Variants in RUNX3 observed in about 807,000 individuals in gnomAD.
RUNX3 encodes the protein runt-related transcription factor 3.
In RUNX3, 10 loss-of-function variants were observed where a neutral mutation model predicts 27.7. The ratio of observed to expected loss-of-function variants is 0.36; its 90% CI spans 0.22 to 0.61. The LOEUF is 0.61. RUNX3 is among the 20% of genes least tolerant of loss of function. The probability of loss-of-function intolerance (pLI) is 0.72; values close to 1 mark genes in which losing one functional copy is unlikely to be tolerated. For synonymous variants in RUNX3, 270 were observed against 269.2 expected, an observed-to-expected ratio of 1.00 and a Z score of -0.03; for missense variants, 469 against 629.5, an observed-to-expected ratio of 0.75 and a Z score of 2.73.
At position 24,904,209 on chromosome 1, in the gene RUNX3, C is replaced by T. The variant is rs1280426079; in HGVS notation, c.704-1543G>A. On this transcript the variant is annotated intron_variant, in intron 4 of 4. Transcript: ENST00000308873. The surrounding 1 kb of genome is among the most constrained non-coding windows in gnomAD (Gnocchi z 5.7). ...CCGGTGCTAGCCGGAGTGGGCTCTG[C>T]CTGCCACGCCGAGGCTTGGCTGAGG... Among the ~76,000 whole-genome samples, 1 of 152,346 alleles carries T rather than the reference C, an allele frequency of 6.6e-6. No homozygotes were observed. The highest frequency in any genetic ancestry group is 1.9e-4 in the East Asian group (1 of 5,176).
chr1:24,926,791 C>T (rs966562603), intron 2 of RUNX3, among the ~76,000 whole-genome samples: 2 of 152,170 alleles, frequency 1.3e-5, no homozygotes, highest in South Asian at 2.1e-4. Context: ...AGCCACTTCT[C>T]GTAGGCAGGC....
intron 3 of RUNX3, among the ~76,000 whole-genome samples, chr1:24,917,043 T>C (rs1245850651): frequency 1.3e-5 from 2 of 152,058 alleles, no homozygotes; most frequent in Non-Finnish European, 2.9e-5. Context: ...CATCCAGGGG[T>C]CCCAGCAGGG....
chr1:24,955,779 T>C (rs769103970), intron 2 of RUNX3, among the ~76,000 whole-genome samples: 2 of 152,184 alleles, frequency 1.3e-5, no homozygotes, highest in African/African-American at 2.4e-5. Flanking sequence ...GGGTGGTTCC[T>C]GAGGCAGTCT....
intron 3 of RUNX3, among the ~76,000 whole-genome samples, chr1:24,907,922 G>GTAAACCTCTACAACACGCGGTGATC (rs1557837030): frequency 3.7e-4 from 37 of 100,818 alleles, no homozygotes; most frequent in African/African-American, 1.2e-3. Context: ...ACACTGTGAT[G>GTAAACCTCTACAACACGCGGTGATC]TAAACCTCTA....
chr1:24,946,656 C>T (rs1474565288), intron 2 of RUNX3, among the ~76,000 whole-genome samples: 26 of 152,126 alleles, frequency 1.7e-4, no homozygotes, highest in Admixed American at 1.6e-3. Flanking sequence ...GAACACCCTG[C>T]GTGGATGTCT....
chr1:24,910,401 G>A (rs1640774509), intron 3 of RUNX3, among the ~76,000 whole-genome samples: 1 of 152,164 alleles, frequency 6.6e-6, no homozygotes, highest in South Asian at 2.1e-4. Context: ...AGGGAGAAGA[G>A]GCAAGATGTA....
chr1:24,927,649 G>A lies in RUNX3; in HGVS notation c.364C>T (p.Arg122Cys), dbSNP rs1424371682. 1 of 1,614,136 alleles carries A rather than the reference G, an allele frequency of 6.2e-7. No individual in the cohort carries two copies. The highest frequency in any genetic ancestry group is 8.5e-7 in the Non-Finnish European group (1 of 1,180,016). ...TTCTTCATGACGGCCGAGGCATTGC[G>A]CAGCTCAGCGGAGTAGTTCTCGTCA... Reference protein sequence around the residue: ...GNDENYSAELRNASAVMKNQV... With the variant: ...GNDENYSAELCNASAVMKNQV... The change falls in exon 2 of 5, where the codon CGC (arginine) becomes TGC (cysteine). Residue 122 changes from arginine to cysteine, a missense_variant. Physicochemically the swap from Arg to Cys is radical, Grantham distance 180. Transcript: ENST00000308873. This position sits in a 1 kb window ranked among gnomAD's most constrained non-coding sequence, Gnocchi z 5.0.
chr1:24,955,372 G>C (rs1338821928), intron 2 of RUNX3, among the ~76,000 whole-genome samples: 1 of 152,286 alleles, frequency 6.6e-6, no homozygotes, highest in South Asian at 2.1e-4. Flanking sequence ...GATGACTCAA[G>C]GTCCTCTTTC....
intron 3 of RUNX3, among the ~76,000 whole-genome samples, chr1:24,909,958 C>G (rs759758853): frequency 2.0e-5 from 3 of 152,184 alleles, no homozygotes; most frequent in Non-Finnish European, 2.9e-5. Context: ...ACACGCCGAA[C>G]AAGGGGTGGG....
upstream of RUNX3, among the ~76,000 whole-genome samples, chr1:24,931,121 T>G (rs1641218733): frequency 6.6e-6 from 1 of 152,376 alleles, no homozygotes. Context: ...TCCTGCATCG[T>G]GAAACGGTAC....
chr1:24,911,871 A>G (rs1400409307), intron 3 of RUNX3, among the ~76,000 whole-genome samples: 1 of 152,152 alleles, frequency 6.6e-6, no homozygotes, highest in Non-Finnish European at 1.5e-5. Context: ...CGCTCCCACC[A>G]CATGCTCCCT....
intron 2 of RUNX3, among the ~76,000 whole-genome samples, chr1:24,940,077 G>A (rs572246733): frequency 3.4e-4 from 52 of 152,318 alleles, no homozygotes; most frequent in African/African-American, 1.2e-3. Context: ...AGGCTTGGGG[G>A]GTAAGAGCTC....
At chr1:24,950,974 G>A (rs1004142444) in intron 2 of RUNX3, among the ~76,000 whole-genome samples, 4 of 152,120 alleles carry the variant, frequency 2.6e-5, no homozygotes, top group South Asian at 4.1e-4. Flanking sequence ...TTGGGAGGCT[G>A]AGGTGGGTGG....
upstream of RUNX3, among the ~76,000 whole-genome samples, chr1:24,933,947 A>C (rs1239963772): frequency 6.6e-6 from 1 of 152,146 alleles, no homozygotes; most frequent in Non-Finnish European, 1.5e-5. Flanking sequence ...GGTGAAACCT[A>C]TCTCCTGCCC....
chr1:24,964,245 C>T (rs911039412), intron 2 of RUNX3, among the ~76,000 whole-genome samples: 1 of 152,252 alleles, frequency 6.6e-6, no homozygotes, highest in African/African-American at 2.4e-5. Context: ...CCTCTGAGGG[C>T]TGCCCTTTGA....
In RUNX3 at chr1:24,899,949, A is replaced by AGGGGATG. The variant is rs1429562576; in HGVS notation, c.*2166_*2172dup. Reference sequence around the variant, plus strand: ...AGTACGGCTGCCGTCACTTTTTGTCAGGGGATGGGGGATGGGGTAGGAAGA... The same window carrying AGGGGATG: ...AGTACGGCTGCCGTCACTTTTTGTCAGGGGATGGGGGATGGGGGATGGGGTAGGAAGA... On this transcript the variant is annotated 3_prime_UTR_variant, in exon 5 of 5. Coordinates refer to ENST00000308873, the MANE Select transcript of RUNX3 (RefSeq NM_004350.3). The AGGGGATG allele has an allele frequency of 6.6e-6, 1 of 152,354 alleles. No individual in the cohort carries two copies. Among genetic ancestry groups the AGGGGATG allele is most frequent in the East Asian group, 1.9e-4 (1 of 5,332 alleles). The allele number at this position is 152,354 out of a possible 1,614,324, so 9.4% of individuals were successfully genotyped here. A position where few individuals can be genotyped will look rare whatever the true frequency, so the allele number is the denominator to read the frequency against.
chr1:24,958,874 G>C (rs552425832), intron 2 of RUNX3, among the ~76,000 whole-genome samples: 1 of 152,292 alleles, frequency 6.6e-6, no homozygotes, highest in Admixed American at 6.5e-5. Flanking sequence ...CCCCAACTAC[G>C]GGGGGTGGGG....
At chr1:24,926,234 G>A (rs1288627953) in intron 2 of RUNX3, among the ~76,000 whole-genome samples, 2 of 152,216 alleles carry the variant, frequency 1.3e-5, no homozygotes, top group Admixed American at 6.5e-5. Flanking sequence ...GTCCTCTCAG[G>A]GTTGGGATTA....
At chr1:24,939,077 C>T (rs1442393974) in intron 2 of RUNX3, among the ~76,000 whole-genome samples, 1 of 152,122 alleles carries the variant, frequency 6.6e-6, no homozygotes, top group Non-Finnish European at 1.5e-5. Flanking sequence ...GGCCCCTTTT[C>T]CAGGGGTTAT....
Sources: allele counts gnomAD v4.1 joint callset (sites outside exome capture counted in the v4.1 genomes callset), GRCh38; gene constraint gnomAD v4.1.1; non-coding constraint Gnocchi (gnomAD v3.1); transcripts MANE v1.5; gene names NCBI Gene and HGNC (gene_info 2026-07-23, HGNC 2026-07-21).